The following SLC28A1 variants were observed in gnomAD, a reference collection of about 807,000 sequenced individuals.
SLC28A1 encodes sodium/nucleoside cotransporter 1.
A neutral mutation model predicts 74.8 loss-of-function variants in SLC28A1; 64 were observed. The observed-to-expected ratio is 0.86, with a 90% CI of 0.70 to 1.05. The LOEUF is 1.05. Among genes scored for constraint, SLC28A1 ranks in the 50% least tolerant of loss-of-function variants. SLC28A1 has a pLI of 0.00. For missense variants in SLC28A1, 828 were observed against 822.8 expected (o/e 1.01, Z -0.08); for synonymous variants, 359 against 335.0 (o/e 1.07, Z -0.78).
chr15:84,943,223 T>C (rs1972912372), intron 15 of SLC28A1, among the ~76,000 whole-genome samples: 1 of 151,896 alleles, frequency 6.6e-6, no homozygotes, highest in African/African-American at 2.4e-5. Flanking sequence ...ACAAAAAAAG[T>C]TGAAGGACAG....
At chr15:84,887,681 C>G (rs1417797928) in intron 2 of SLC28A1, 64 bp from the exon 3 acceptor site, 2 of 1,584,002 alleles carry the variant, frequency 1.3e-6, no homozygotes, top group African/African-American at 2.7e-5. Flanking sequence ...TTTCCCCGGG[C>G]CCCTAAACTG....
the SLC28A1 span, among the ~76,000 whole-genome samples, chr15:84,960,211 TC>T: frequency 7.1e-6 from 1 of 141,120 alleles, no homozygotes; most frequent in Admixed American, 7.1e-5. Flanking sequence ...CATTTTCCAC[TC>T]CCCTGTGCCT....
chr15:84,948,805 C>A (rs1352190359), downstream of SLC28A1, among the ~76,000 whole-genome samples: 1 of 152,202 alleles, frequency 6.6e-6, no homozygotes, highest in Non-Finnish European at 1.5e-5. Flanking sequence ...GCTTAAACCT[C>A]ATCAAGATAA....
At chr15:84,903,594 C>G (rs958662453) in intron 6 of SLC28A1, among the ~76,000 whole-genome samples, 2 of 152,106 alleles carry the variant, frequency 1.3e-5, no homozygotes, top group Admixed American at 1.3e-4. Context: ...AGGTAGGATC[C>G]GTTCCTTGGT....
chr15:84,906,995 G>C (rs1432749034), intron 8 of SLC28A1, among the ~76,000 whole-genome samples: 1 of 152,150 alleles, frequency 6.6e-6, no homozygotes. Context: ...GAGGAGGTTG[G>C]CTTTATAGAC....
Position 84,887,802 on chromosome 15 carries a change from C to G in SLC28A1, c.42C>G (p.Leu14=), listed in dbSNP as rs1294461050. 6.2e-7 allele frequency: 1 copy of G among 1,614,024 alleles called. No individual in the cohort carries two copies. The highest frequency in any genetic ancestry group is 1.7e-5 in the Admixed American group (1 of 60,008). The part of the protein sequence containing the change: ...DPSRRRESIS[L]TPVAKGLENM... Reference sequence around the variant, plus strand: ...CGAGACGAAGAGAGTCCATCTCTCTCACACCTGTGGCCAAGGGTCTGGAGA... The same window carrying G: ...CGAGACGAAGAGAGTCCATCTCTCTGACACCTGTGGCCAAGGGTCTGGAGA... The change falls in exon 3 of 19, where the codon CTC becomes CTG. Residue 14 remains leucine (L), a synonymous_variant. Transcript: ENST00000394573.
intron 9 of SLC28A1, among the ~76,000 whole-genome samples, chr15:84,917,573 T>G (rs1395293361): frequency 6.6e-6 from 1 of 151,494 alleles, no homozygotes; most frequent in Non-Finnish European, 1.5e-5. Context: ...CATGCATGGC[T>G]ACCCCCCACC....
At chr15:84,961,711 G>A in the SLC28A1 span, 2 of 322,422 alleles carry the variant, frequency 6.2e-6, no homozygotes, top group East Asian at 9.5e-5. Context: ...TTTAATGACA[G>A]TTAATTAATA....
At chr15:84,974,379 G>A in the SLC28A1 span, among the ~76,000 whole-genome samples, 1 of 152,210 alleles carries the variant, frequency 6.6e-6, no homozygotes, top group East Asian at 1.9e-4. Context: ...GGGCTTTGGT[G>A]TCAGGCAGGC....
chr15:84,935,949 TTG>T (rs1491068822), intron 15 of SLC28A1, among the ~76,000 whole-genome samples: 5,754 of 125,548 alleles, frequency 0.046, 795 homozygotes, highest in African/African-American at 0.073. Flanking sequence ...GGTTTGGTTT[TTG>T]TTTTTTTTTT....
rs536819263 is a variant in SLC28A1 at position 84,904,570 on chromosome 15, C to G, written c.603+332C>G. The stretch of plus-strand genomic sequence containing the variant: ...ACCACAGAAAACACAGGCCAGAACT[C>G]CAGCCTGTCTGCAGAGCCAAGGGTT... On this transcript the variant is annotated intron_variant, in intron 7 of 18. Transcript: ENST00000394573. Among the ~76,000 whole-genome samples the G allele has an allele frequency of 2.0e-5, 3 of 152,284 alleles. No homozygotes were observed. In the South Asian group the frequency reaches 6.2e-4, roughly 32 times the overall value.
At chr15:84,950,917 T>C in the SLC28A1 span, among the ~76,000 whole-genome samples, 1 of 152,100 alleles carries the variant, frequency 6.6e-6, no homozygotes, top group African/African-American at 2.4e-5. Flanking sequence ...TCTGCACTTG[T>C]AGTTGAAAGC....
At chr15:84,965,909 GGGA>G in the SLC28A1 span, among the ~76,000 whole-genome samples, 7 of 141,614 alleles carry the variant, frequency 4.9e-5, no homozygotes, top group African/African-American at 2.2e-4. Flanking sequence ...GGGGAGGGGG[GGGA>G]AATATTAGGC....
rs201178780 is a variant in SLC28A1 at position 84,905,651 on chromosome 15, G to T, written c.716G>T (p.Arg239Leu). Reference protein sequence around the residue: ...IAFEWLGEQIRIFLSYTKAGS... With the variant: ...IAFEWLGEQILIFLSYTKAGS... ...TTCGAGTGGCTGGGCGAGCAGATCCGGGTAGGTATGTGGGGTCTGGCTGCC... is the reference window on the plus strand; with the variant it reads ...TTCGAGTGGCTGGGCGAGCAGATCCTGGTAGGTATGTGGGGTCTGGCTGCC... Residue 239 changes from arginine (R) to leucine (L), a missense_variant and splice_region_variant, in exon 8 of 19, where the codon CGG (arginine) becomes CTG (leucine). Arg to Leu is a moderately radical substitution (Grantham distance 102). This residue lies in a region of SLC28A1 where 767 missense variants were observed against 753.5 expected (regional missense o/e 1.02). Transcript: ENST00000394573. 2 of 1,607,388 alleles carry T rather than the reference G, an allele frequency of 1.2e-6. No individual in the cohort carries two copies. Among genetic ancestry groups the T allele is most frequent in the Non-Finnish European group, 8.5e-7 (1 of 1,173,988 alleles).
At chr15:84,894,870 C>T (rs968148557) in intron 5 of SLC28A1, 70 bp from the exon 6 acceptor site, 67 of 1,484,160 alleles carry the variant, frequency 4.5e-5, no homozygotes, top group Non-Finnish European at 5.4e-5. Context: ...GTGGAGTCCG[C>T]GGGCGGGGCT....
chr15:84,889,701 C>CTTCT (rs1567113879), intron 4 of SLC28A1, among the ~76,000 whole-genome samples: 11 of 38,870 alleles, frequency 2.8e-4, no homozygotes, highest in East Asian at 7.7e-4. Context: ...TCTTTCCTTC[C>CTTCT]TTCCTTCTTT....
chr15:84,958,694 C>A, the SLC28A1 span, among the ~76,000 whole-genome samples: 11 of 152,084 alleles, frequency 7.2e-5, no homozygotes, highest in Admixed American at 7.2e-4. Flanking sequence ...GCTGGGACTA[C>A]AGGAAGGCAC....
the SLC28A1 span, among the ~76,000 whole-genome samples, chr15:84,954,826 A>G: frequency 3.3e-5 from 5 of 152,270 alleles, no homozygotes; most frequent in Middle Eastern, 0.017. Context: ...CAAATTTTCT[A>G]ACACTCCTCC....
intron 13 of SLC28A1, 147 bp from the exon 14 acceptor site, chr15:84,934,879 G>A (rs1046789269): frequency 2.7e-6 from 2 of 737,752 alleles, no homozygotes; most frequent in Non-Finnish European, 4.8e-6. Flanking sequence ...GCTTTGACCA[G>A]CCCCTTTTTC....
Sources: gnomAD v4.1 joint callset for allele counts (sites outside exome capture counted in the v4.1 genomes callset) on GRCh38, gnomAD v4.1.1 for gene constraint, gnomAD v4.1.1 regional missense constraint, MANE v1.5 for transcripts, NCBI Gene and HGNC (gene_info 2026-07-23, HGNC 2026-07-21) for gene names.